Variants in ANK2 observed in about 807,000 individuals in gnomAD.
ANK2 encodes ankyrin-2.
A neutral mutation model predicts 360.5 loss-of-function variants in ANK2; 83 were observed. The ratio of observed to expected loss-of-function variants is 0.23; its 90% CI spans 0.19 to 0.28. The LOEUF is 0.28. Ranked by LOEUF, ANK2 falls within the 10% of genes least tolerant of loss-of-function variation. The pLI, the probability that ANK2 is intolerant of heterozygous loss-of-function variation, is 1.00. For missense variants in ANK2, 4,201 were observed against 4,795.7 expected (o/e 0.88, Z 3.66); for synonymous variants, 1,740 against 1,759.5 (o/e 0.99, Z 0.28).
chr4:113,149,194 T>C (rs2096944033), intron 1 of ANK2: 1 of 152,204 alleles, frequency 6.6e-6, no homozygotes, highest in South Asian at 2.1e-4. Context: ...GATTAGGATG[T>C]TAACAATGGA....
At chr4:113,060,348 A>G (rs1365155874) in intron 1 of ANK2, among the ~76,000 whole-genome samples, 2 of 152,140 alleles carry the variant, frequency 1.3e-5, no homozygotes, top group Admixed American at 6.6e-5. Flanking sequence ...ATGCCAGTCT[A>G]CATAGAGTTC....
intron 38 of ANK2, 95 bp downstream of exon 38, chr4:113,359,394 A>G: frequency 6.5e-7 from 1 of 1,529,672 alleles, no homozygotes; most frequent in Non-Finnish European, 8.9e-7. Context: ...TTTGTGTCTC[A>G]TTTTCTTTAA....
chr4:113,249,460 A>G (rs928080654), intron 9 of ANK2, among the ~76,000 whole-genome samples: 1 of 152,230 alleles, frequency 6.6e-6, no homozygotes, highest in Non-Finnish European at 1.5e-5. Flanking sequence ...GAATACGCAG[A>G]CACATGACCA....
intron 2 of ANK2, among the ~76,000 whole-genome samples, chr4:113,023,432 A>G (rs2058599244): frequency 6.6e-6 from 1 of 152,118 alleles, no homozygotes; most frequent in Admixed American, 6.5e-5. Context: ...CCCATCATGC[A>G]TGCTCTACCC....
At chr4:112,828,625 G>A (rs543612406) in intron 1 of ANK2, among the ~76,000 whole-genome samples, 2 of 152,294 alleles carry the variant, frequency 1.3e-5, no homozygotes, top group Admixed American at 1.3e-4. Flanking sequence ...TGGCAAAGAT[G>A]TCATGACAAA....
intron 17 of ANK2, among the ~76,000 whole-genome samples, chr4:113,279,211 CATTA>C (rs2061346810): frequency 6.6e-6 from 1 of 152,078 alleles, no homozygotes; most frequent in Non-Finnish European, 1.5e-5. Flanking sequence ...GTCTTTCGTT[CATTA>C]ATTAAGCACA....
chr4:113,331,836 G>A (rs2092519132), intron 27 of ANK2, 136 bp from the exon 28 acceptor site: 2 of 831,272 alleles, frequency 2.4e-6, no homozygotes, highest in African/African-American at 1.7e-5. Flanking sequence ...TGTGACCAAT[G>A]GAGGGGGCAG....
chr4:113,008,920 G>C (rs548243705), intron 2 of ANK2, among the ~76,000 whole-genome samples: 70 of 152,220 alleles, frequency 4.6e-4, no homozygotes, highest in African/African-American at 1.6e-3. Context: ...GAAAAGCAGG[G>C]AGATAAAGCA....
the ANK2 span, among the ~76,000 whole-genome samples, chr4:112,718,861 T>G: frequency 6.6e-6 from 1 of 152,180 alleles, no homozygotes; most frequent in African/African-American, 2.4e-5. Flanking sequence ...GGTCTTGAAC[T>G]CCTGACCTCA....
At chr4:113,026,125 G>A (rs763683544) in intron 2 of ANK2, among the ~76,000 whole-genome samples, 16 of 152,054 alleles carry the variant, frequency 1.1e-4, no homozygotes, top group African/African-American at 2.7e-4. Context: ...GCCGTAATAC[G>A]TGGCCACGGA....
chr4:112,968,606 T>C (rs2038244367), intron 2 of ANK2, among the ~76,000 whole-genome samples: 1 of 152,172 alleles, frequency 6.6e-6, no homozygotes, highest in South Asian at 2.1e-4. Context: ...TCTTTCTCCC[T>C]TCTCTTTTCC....
intron 43 of ANK2, 83 bp downstream of exon 43, chr4:113,369,888 T>G: frequency 6.3e-7 from 1 of 1,585,412 alleles, no homozygotes; most frequent in Non-Finnish European, 8.6e-7. Context: ...TGGTTTATTT[T>G]TTGCACTTCA....
At chr4:112,983,376 G>GT (rs950881438) in intron 2 of ANK2, among the ~76,000 whole-genome samples, 8 of 137,778 alleles carry the variant, frequency 5.8e-5, no homozygotes, top group African/African-American at 1.9e-4. Context: ...ACATTATTGG[G>GT]TTAAAAAAAA....
chr4:113,339,279 T>C lies in ANK2; in HGVS notation c.3850T>C (p.Phe1284Leu), dbSNP rs1254852335. 6.2e-7 allele frequency: 1 copy of C among 1,614,076 alleles called. No homozygotes were observed. The highest frequency in any genetic ancestry group is 1.1e-5 in the South Asian group (1 of 91,086). Reference protein sequence around the residue: ...EDITGTTPLTFVNECVSFTTN... With the variant: ...EDITGTTPLTLVNECVSFTTN... ...TATTACAGGAACTACGCCATTAACA[T>C]TTGTCAATGAATGTGTTTCCTTTAC... The change falls in exon 32 of 46, where the codon TTT becomes CTT. Residue 1284 changes from phenylalanine to leucine, a missense_variant. Phe to Leu is a conservative substitution (Grantham distance 22). Transcript: ENST00000357077.
At chr4:112,860,471 G>A (rs115947133) in intron 1 of ANK2, among the ~76,000 whole-genome samples, 8 of 151,932 alleles carry the variant, frequency 5.3e-5, no homozygotes, top group African/African-American at 1.5e-4. Flanking sequence ...ATGATCCGCC[G>A]GCCTTTGAAC....
intron 35 of ANK2, among the ~76,000 whole-genome samples, chr4:113,346,440 C>T (rs552613608): frequency 8.7e-4 from 133 of 152,292 alleles, no homozygotes; most frequent in Non-Finnish European, 1.7e-3. Context: ...GAGTTCATCA[C>T]CTTCTGTTTA....
intron 41 of ANK2, among the ~76,000 whole-genome samples, chr4:113,365,668 GT>G (rs531215291): frequency 1.7e-3 from 243 of 144,362 alleles, no homozygotes; most frequent in East Asian, 0.011. Flanking sequence ...CTCTAACACT[GT>G]TTTTTTTTTT....
At chr4:113,330,207 T>C in intron 26 of ANK2, 39 bp from the exon 27 acceptor site, 2 of 1,576,078 alleles carry the variant, frequency 1.3e-6, no homozygotes, top group Non-Finnish European at 1.7e-6. Flanking sequence ...CTGCCCCCAA[T>C]ATTTCAAAAC....
At chr4:112,937,756 T>C (rs951242648) in intron 2 of ANK2, among the ~76,000 whole-genome samples, 1 of 152,180 alleles carries the variant, frequency 6.6e-6, no homozygotes, top group African/African-American at 2.4e-5. Context: ...ACCCTGAAGG[T>C]CTATTGGCTA....
Sources: gnomAD v4.1 joint callset for allele counts (sites outside exome capture counted in the v4.1 genomes callset) on GRCh38, gnomAD v4.1.1 for gene constraint, MANE v1.5 for transcripts, NCBI Gene and HGNC (gene_info 2026-07-23, HGNC 2026-07-21) for gene names.